YPEL1: variants seen among roughly 807,000 people sequenced by gnomAD.
The protein encoded by YPEL1 is yippee like 1.
Under a neutral mutation model 17.3 loss-of-function variants are expected in YPEL1, and 7 were observed. The ratio of observed to expected loss-of-function variants is 0.40; its 90% CI spans 0.23 to 0.76. YPEL1 has a LOEUF of 0.76. YPEL1 is among the 30% of genes least tolerant of loss of function. The probability of loss-of-function intolerance (pLI) is 0.35; values close to 1 mark genes in which losing one functional copy is unlikely to be tolerated. For synonymous variants in YPEL1, 59 were observed against 59.6 expected, an observed-to-expected ratio of 0.99 and a Z score of 0.05; for missense variants, 91 against 155.5, an observed-to-expected ratio of 0.59 and a Z score of 2.21.
chr22:21,716,587 G>A (rs28603678), intron 1 of YPEL1, among the ~76,000 whole-genome samples: 1 of 151,106 alleles, frequency 6.6e-6, no homozygotes, highest in Non-Finnish European at 1.5e-5. Context: ...GATTCCAAAA[G>A]CTCACAGTTG....
At chr22:21,730,390 AGTTT>A (rs2068375987) in intron 1 of YPEL1, among the ~76,000 whole-genome samples, 2 of 151,966 alleles carry the variant, frequency 1.3e-5, no homozygotes, top group Admixed American at 1.3e-4. Context: ...TGCCTGGCTA[AGTTT>A]GTATTTTTAG....
chr22:21,709,655 AG>A (rs373363222), intron 2 of YPEL1, among the ~76,000 whole-genome samples: 9 of 152,316 alleles, frequency 5.9e-5, no homozygotes, highest in African/African-American at 2.2e-4. Context: ...TAAAAAAAGA[AG>A]AAAAGATTTC....
rs183381080 is a variant in YPEL1 at position 21,709,802 on chromosome 22, A to G, written c.117+826T>C. Among the ~76,000 whole-genome samples the G allele has an allele frequency of 2.6e-3, 390 of 148,002 alleles. 3 individuals are homozygous for G. Among genetic ancestry groups the G allele is most frequent in the African/African-American group, 9.1e-3 (363 of 39,774 alleles). On this transcript the variant is annotated intron_variant, in intron 2 of 4. Coordinates refer to ENST00000339468, the MANE Select transcript of YPEL1 (RefSeq NM_013313.5). ...GGGGAGGTCATGACCTATAAGGATG[A>G]GTGGAGGTAATGATCCGTGAGGATG...
Position 21,703,226 on chromosome 22 carries a change from G to A in YPEL1, c.270+144C>T. 4.3e-6 allele frequency: 3 copies of A among 705,298 alleles called. No individual in the cohort carries two copies. The highest frequency in any genetic ancestry group is 2.7e-5 in the East Asian group (1 of 37,212). The allele number at this position is 705,298 out of a possible 1,614,324, so 43.7% of individuals were successfully genotyped here. On this transcript the variant is annotated intron_variant, in intron 4 of 4. Transcript: ENST00000339468. This position sits in a 1 kb window ranked among gnomAD's most constrained non-coding sequence, Gnocchi z 6.1. ...GTGAGACCATGCCTCACTGGAGTCTGGACTTCCCACCTCGGCTGAGGAACT... is the reference window on the plus strand; with the variant it reads ...GTGAGACCATGCCTCACTGGAGTCTAGACTTCCCACCTCGGCTGAGGAACT...
At chr22:21,721,310 A>G (rs577932836) in intron 1 of YPEL1, among the ~76,000 whole-genome samples, 16 of 147,920 alleles carry the variant, frequency 1.1e-4, no homozygotes, top group Admixed American at 6.1e-4. Flanking sequence ...AGTAGAGATG[A>G]GGTTTCACCA....
chr22:21,700,039 A>C lies in YPEL1; in HGVS notation c.*1090T>G, dbSNP rs111988660. The C allele has an allele frequency of 1.3e-5, 2 of 152,486 alleles. No individual in the cohort carries two copies. Among genetic ancestry groups the C allele is most frequent in the African/African-American group, 4.8e-5 (2 of 41,566 alleles). 9.4% of individuals were successfully genotyped at this position (152,486 alleles called of 1,614,324 possible). On this transcript the variant is annotated 3_prime_UTR_variant, in exon 5 of 5. Transcript: ENST00000339468. The stretch of plus-strand genomic sequence containing the variant: ...CATTCTCAATTTAGAGTGTATCTAA[A>C]ATGTCATCTGTGCTGGCCTCTGTTT...
chr22:21,723,423 A>C (rs1181536328), intron 1 of YPEL1, among the ~76,000 whole-genome samples: 1 of 152,118 alleles, frequency 6.6e-6, no homozygotes, highest in Non-Finnish European at 1.5e-5. Context: ...GCTGGAGTGC[A>C]GTGGCGCGAT....
chr22:21,698,693 T>C lies in YPEL1; in HGVS notation c.*2436A>G, dbSNP rs545301319. 3.3e-5 allele frequency: 5 copies of C among 152,506 alleles called. No homozygotes were observed. Among genetic ancestry groups the C allele is most frequent in the South Asian group, 2.1e-4 (1 of 4,828 alleles). The allele number at this position is 152,506 out of a possible 1,614,324, so 9.4% of individuals were successfully genotyped here. On this transcript the variant is annotated 3_prime_UTR_variant, in exon 5 of 5. Coordinates refer to ENST00000339468, the MANE Select transcript of YPEL1 (RefSeq NM_013313.5). ...CAGCCTCTTCACAGTCTCAAGACAA[T>C]TGACTGAAGCCACAGGCATTGCTAA...
At chr22:21,702,933 G>T (rs1324180564) in intron 4 of YPEL1, among the ~76,000 whole-genome samples, 1 of 152,116 alleles carries the variant, frequency 6.6e-6, no homozygotes, top group African/African-American at 2.4e-5. Context: ...AGGGATTTGG[G>T]GTAAAGAGCT....
chr22:21,713,570 G>A (rs965963415), intron 1 of YPEL1, among the ~76,000 whole-genome samples: 1 of 152,198 alleles, frequency 6.6e-6, no homozygotes, highest in African/African-American at 2.4e-5. Flanking sequence ...GACAGAAAGA[G>A]CTGCCAGGGG....
chr22:21,730,510 A>T (rs1350745863), intron 1 of YPEL1, among the ~76,000 whole-genome samples: 3 of 152,208 alleles, frequency 2.0e-5, no homozygotes, highest in African/African-American at 7.2e-5. Context: ...GGCGTGAGCT[A>T]CAGCATCTGG....
At chr22:21,717,011 T>C (rs2068230162) in intron 1 of YPEL1, among the ~76,000 whole-genome samples, 1 of 151,900 alleles carries the variant, frequency 6.6e-6, no homozygotes, top group Non-Finnish European at 1.5e-5. Flanking sequence ...TTAACAGGAA[T>C]AGGAGAATAA....
chr22:21,717,332 C>T (rs935725093), intron 1 of YPEL1, among the ~76,000 whole-genome samples: 3 of 149,106 alleles, frequency 2.0e-5, no homozygotes, highest in Admixed American at 6.7e-5. Context: ...GCTGAGATTG[C>T]GCCACTGCAC....
intron 2 of YPEL1, among the ~76,000 whole-genome samples, chr22:21,709,275 C>T (rs564412629): frequency 5.9e-5 from 9 of 152,268 alleles, no homozygotes; most frequent in Admixed American, 3.3e-4. Flanking sequence ...CAGAAAACAC[C>T]GAGGAAATGG....
rs147967901 is a variant in YPEL1, at chr22:21,703,708, C to CGGT, written c.161+130_161+131insACC. The CGGT allele has an allele frequency of 1.4e-5, 14 of 990,504 alleles. No individual in the cohort carries two copies. The highest frequency in any genetic ancestry group is 2.7e-5 in the Admixed American group (1 of 37,234). The allele number at this position is 990,504 out of a possible 1,614,324, so 61.4% of individuals were successfully genotyped here. A position where few individuals can be genotyped will look rare whatever the true frequency, so the allele number is the denominator to read the frequency against. On this transcript the variant is annotated intron_variant, in intron 3 of 4. Transcript: ENST00000339468. The surrounding 1 kb of genome is among the most constrained non-coding windows in gnomAD (Gnocchi z 6.1). ...ATCCTTAGCGCGTTTCAGAAACTCC[C>CGGT]GGCGGGGGGATGGTGGGTTCTTTCA...
Position 21,719,853 on chromosome 22 carries a change from C to T in YPEL1, c.-164-8945G>A, listed in dbSNP as rs1054827123. ...CCAGCCTGGCCAAGATGGTGAAACCCGTCTCTACTAAAAATACAAAAATTA... is the reference window on the plus strand; with the variant it reads ...CCAGCCTGGCCAAGATGGTGAAACCTGTCTCTACTAAAAATACAAAAATTA... On this transcript the variant is annotated intron_variant, in intron 1 of 4. Transcript: ENST00000339468. Among the ~76,000 whole-genome samples the T allele has an allele frequency of 5.9e-5, 9 of 152,076 alleles. No homozygotes were observed. The East Asian group carries it at 7.7e-4, about 13-fold the overall frequency.
intron 1 of YPEL1, among the ~76,000 whole-genome samples, chr22:21,718,452 G>A (rs1036149347): frequency 2.0e-4 from 31 of 151,562 alleles, no homozygotes; most frequent in South Asian, 6.2e-4. Context: ...GCAACAGAGC[G>A]AGGCTCCATC....
At chr22:21,706,359 C>T (rs187958500) in intron 2 of YPEL1, among the ~76,000 whole-genome samples, 144 of 143,004 alleles carry the variant, frequency 1.0e-3, no homozygotes, top group African/African-American at 3.5e-3. Context: ...AACCGGGACC[C>T]GGGAGGCAGA....
chr22:21,701,535 G>T, intron 4 of YPEL1, among the ~76,000 whole-genome samples: 1 of 152,280 alleles, frequency 6.6e-6, no homozygotes, highest in East Asian at 1.9e-4. Flanking sequence ...CAATGGTCTG[G>T]TCATAGCTCA....
Sources: gnomAD v4.1 joint callset for allele counts (sites outside exome capture counted in the v4.1 genomes callset) on GRCh38, gnomAD v4.1.1 for gene constraint, Gnocchi (gnomAD v3.1) non-coding constraint, MANE v1.5 for transcripts, NCBI Gene and HGNC (gene_info 2026-07-23, HGNC 2026-07-21) for gene names.